The following FBN2 variants were observed in gnomAD, a reference collection of about 807,000 sequenced individuals.
FBN2 encodes the protein fibrillin 2.
Under a neutral mutation model 355.6 loss-of-function variants are expected in FBN2, and 105 were observed. The ratio of observed to expected loss-of-function variants is 0.30; its 90% confidence interval spans 0.25 to 0.35. The LOEUF (loss-of-function observed/expected upper bound fraction) is 0.35, where lower values mean the gene tolerates loss of function less well. Ranked by LOEUF, FBN2 falls within the 10% of genes least tolerant of loss-of-function variation. The pLI, the probability that FBN2 is intolerant of heterozygous loss-of-function variation, is 1.00. For synonymous variants in FBN2, 1,350 were observed against 1,301.2 expected (o/e 1.04, Z -0.81); for missense variants, 3,280 against 3,758.7 (o/e 0.87, Z 3.33).
At chr5:128,263,702 A>G in intron 62 of FBN2, 46 bp from the exon 63 acceptor site, 3 of 1,437,176 alleles carry the variant, frequency 2.1e-6, no homozygotes, top group South Asian at 1.2e-5. Flanking sequence ...AGCAGGCAAG[A>G]GCAAAAACGT....
chr5:128,512,512 CA>C (rs1158661549), intron 5 of FBN2, among the ~76,000 whole-genome samples: 964 of 60,680 alleles, frequency 0.016, 2 homozygotes, highest in Middle Eastern at 0.025. Context: ...GAACCCGTCT[CA>C]AAAAAAAAAA....
intron 35 of FBN2, among the ~76,000 whole-genome samples, chr5:128,318,612 T>C (rs1750279122): frequency 1.3e-5 from 2 of 151,864 alleles, no homozygotes; most frequent in South Asian, 4.1e-4. Context: ...TATATACATA[T>C]ACATGAACAT....
At chr5:128,339,082 G>T (rs1750923075) in intron 25 of FBN2, 21 bp from the exon 26 acceptor site, 2 of 1,612,792 alleles carry the variant, frequency 1.2e-6, no homozygotes, top group South Asian at 1.1e-5. Flanking sequence ...GGGTTTAAAA[G>T]AAATTTAAAA....
chr5:128,324,410 C>T (rs1164808152), intron 34 of FBN2, among the ~76,000 whole-genome samples: 1 of 152,202 alleles, frequency 6.6e-6, no homozygotes, highest in East Asian at 1.9e-4. Context: ...CTTGCTTTCT[C>T]CTGTGGGCAT....
In FBN2 at chr5:128,310,235, G is replaced by C. The variant is rs745675329; in HGVS notation, c.5075-127C>G. The C allele has an allele frequency of 3.5e-4, 274 of 774,290 alleles. 1 individual carries two copies. The Middle Eastern group carries it at 4.5e-3, about 13-fold the overall frequency. 48.0% of individuals were successfully genotyped at this position (774,290 alleles called of 1,614,324 possible). A position where few individuals can be genotyped will look rare whatever the true frequency, so the allele number is the denominator to read the frequency against. On this transcript the variant is annotated intron_variant, in intron 39 of 64. Transcript: ENST00000262464. ...CATTTATGCAAAACTTAGAAATAAAGAAAATATCCCAAATATGCATTTATA... is the reference window on the plus strand; with the variant it reads ...CATTTATGCAAAACTTAGAAATAAACAAAATATCCCAAATATGCATTTATA...
intron 8 of FBN2, among the ~76,000 whole-genome samples, chr5:128,399,297 T>TA (rs1477819109): frequency 8.5e-5 from 13 of 152,170 alleles, no homozygotes; most frequent in Non-Finnish European, 1.9e-4. Flanking sequence ...AACGGTATTT[T>TA]AAAAAAATAA....
chr5:128,471,558 A>T (rs1448192086), intron 5 of FBN2, among the ~76,000 whole-genome samples: 1 of 152,164 alleles, frequency 6.6e-6, no homozygotes, highest in Admixed American at 6.5e-5. Flanking sequence ...TTAAATTAAT[A>T]TTTTTATTTT....
intron 8 of FBN2, among the ~76,000 whole-genome samples, chr5:128,406,805 C>T (rs1278831798): frequency 6.6e-6 from 1 of 152,114 alleles, no homozygotes; most frequent in East Asian, 1.9e-4. Context: ...ACAGTGGGAA[C>T]TGCAGAAAAC....
At chr5:128,496,536 C>T (rs1561485370) in intron 5 of FBN2, among the ~76,000 whole-genome samples, 1 of 152,042 alleles carries the variant, frequency 6.6e-6, no homozygotes, top group Non-Finnish European at 1.5e-5. Context: ...ACAAAAAACT[C>T]ATAGATAATA....
chr5:128,341,835 T>G (rs1193227626), intron 25 of FBN2, among the ~76,000 whole-genome samples: 1 of 152,230 alleles, frequency 6.6e-6, no homozygotes, highest in Non-Finnish European at 1.5e-5. Flanking sequence ...TTAACCTGCC[T>G]CTGTCTGAAG....
At chr5:128,264,784 G>A (rs759399228) in intron 62 of FBN2, among the ~76,000 whole-genome samples, 22 of 152,214 alleles carry the variant, frequency 1.4e-4, no homozygotes, top group Non-Finnish European at 2.5e-4. Flanking sequence ...AAGTGGGTGT[G>A]CACAGAGGAC....
intron 55 of FBN2, among the ~76,000 whole-genome samples, chr5:128,283,048 A>C (rs964081008): frequency 6.6e-6 from 1 of 152,172 alleles, no homozygotes; most frequent in African/African-American, 2.4e-5. Flanking sequence ...CCTATGAACC[A>C]CTGGGCTATG....
At chr5:128,302,775 G>A (rs1004204202) in intron 46 of FBN2, among the ~76,000 whole-genome samples, 198 bp downstream of exon 46, 2 of 152,124 alleles carry the variant, frequency 1.3e-5, no homozygotes, top group Non-Finnish European at 2.9e-5. Context: ...GGATTCAAGA[G>A]TATATTGTCT....
At chr5:128,425,210 T>C (rs1753455256) in intron 7 of FBN2, among the ~76,000 whole-genome samples, 2 of 152,136 alleles carry the variant, frequency 1.3e-5, no homozygotes, top group African/African-American at 4.8e-5. Context: ...CTTAACATAA[T>C]GACACTAAGC....
chr5:128,312,837 T>C (rs375337094), intron 36 of FBN2, 42 bp from the exon 37 acceptor site: 5 of 1,597,186 alleles, frequency 3.1e-6, no homozygotes, highest in African/African-American at 1.3e-5. Flanking sequence ...CTTGCTTACA[T>C]AGTAAGGACT....
chr5:128,316,306 T>G (rs1750200127), intron 36 of FBN2, among the ~76,000 whole-genome samples: 1 of 152,168 alleles, frequency 6.6e-6, no homozygotes, highest in Non-Finnish European at 1.5e-5. Context: ...TGTTGAACAT[T>G]GACAAAAATA....
At chr5:128,260,345 G>C (rs1243768847) in intron 64 of FBN2, among the ~76,000 whole-genome samples, 1 of 152,214 alleles carries the variant, frequency 6.6e-6, no homozygotes, top group Non-Finnish European at 1.5e-5. Flanking sequence ...GAGGTACACA[G>C]AGTGAGTGAT....
Position 128,377,857 on chromosome 5 carries a change from T to G in FBN2, c.1744A>C (p.Asn582His), listed in dbSNP as rs1301819120. Residue 582 changes from asparagine (N) to histidine (H), a missense_variant, in exon 13 of 65, where the codon AAT becomes CAT. Around this residue, in one of 6 missense-constraint regions of FBN2, gnomAD observed 2,284 missense variants for 2,749.5 expected, o/e 0.83. Transcript: ENST00000262464. ...ACIDIDECIQ[N>H]GVLCKNGRCV... ...CGACCGTTTTTACAAAGAACCCCAT[T>G]CTGGATGCACTCATCAATATCTAGG... is the stretch of plus-strand genomic sequence containing the variant. 1.2e-6 allele frequency: 2 copies of G among 1,613,550 alleles called. No individual in the cohort carries two copies. The highest frequency in any genetic ancestry group is 4.5e-5 in the East Asian group (2 of 44,866).
At chr5:128,340,726 T>C (rs144068964) in intron 25 of FBN2, among the ~76,000 whole-genome samples, 218 of 152,332 alleles carry the variant, frequency 1.4e-3, no homozygotes, top group African/African-American at 4.8e-3. Context: ...TTATTTGTCA[T>C]AGAATCCACC....
Sources: gnomAD v4.1 joint callset for allele counts (sites outside exome capture counted in the v4.1 genomes callset) on GRCh38, gnomAD v4.1.1 for gene constraint, gnomAD v4.1.1 regional missense constraint, MANE v1.5 for transcripts, NCBI Gene and HGNC (gene_info 2026-07-23, HGNC 2026-07-21) for gene names.